Variants in CACNA2D4 observed in about 807,000 individuals in gnomAD.
The protein encoded by CACNA2D4 is calcium voltage-gated channel auxiliary subunit alpha2delta 4, also known as voltage-dependent calcium channel subunit alpha-2/delta-4.
In CACNA2D4, 157 loss-of-function variants were observed where a neutral mutation model predicts 163.8. The ratio of observed to expected loss-of-function variants is 0.96; its 90% confidence interval spans 0.84 to 1.09. The LOEUF (loss-of-function observed/expected upper bound fraction) is 1.09, where lower values mean the gene tolerates loss of function less well. Among genes scored for constraint, CACNA2D4 ranks in the 50% least tolerant of loss-of-function variants. The pLI, the probability that CACNA2D4 is intolerant of heterozygous loss-of-function variation, is 0.00. For synonymous variants in CACNA2D4, 598 were observed against 586.9 expected (o/e 1.02, Z -0.27); for missense variants, 1,410 against 1,479.9 (o/e 0.95, Z 0.78).
chr12:1,852,925 G>A (rs1565711322), intron 23 of CACNA2D4, among the ~76,000 whole-genome samples: 1 of 152,126 alleles, frequency 6.6e-6, no homozygotes, highest in Non-Finnish European at 1.5e-5. Flanking sequence ...AGTAATGAGA[G>A]CTCCTGTGTG....
intron 26 of CACNA2D4, chr12:1,830,983 G>A: frequency 1.2e-6 from 2 of 1,613,714 alleles, no homozygotes; most frequent in South Asian, 2.2e-5. Flanking sequence ...CTCCCCACCT[G>A]CCCTTTCTCC....
At chr12:1,918,163 T>G (rs1592758157) in intron 1 of CACNA2D4, 84 bp downstream of exon 1, 2 of 965,456 alleles carry the variant, frequency 2.1e-6, no homozygotes, top group Admixed American at 2.4e-5. Flanking sequence ...GCGGGAGGAG[T>G]GGGCAGAGGA....
At chr12:1,831,334 C>T in intron 26 of CACNA2D4, 1 of 1,613,914 alleles carries the variant, frequency 6.2e-7, no homozygotes, top group South Asian at 1.1e-5. Context: ...GCCCAGTTGC[C>T]CCCTGGTCTT....
intron 20 of CACNA2D4, among the ~76,000 whole-genome samples, chr12:1,857,161 G>A (rs1865418405): frequency 6.6e-6 from 1 of 152,206 alleles, no homozygotes; most frequent in Non-Finnish European, 1.5e-5. Context: ...AGAGGAGAGT[G>A]CCCCAGTGCT....
intron 26 of CACNA2D4, among the ~76,000 whole-genome samples, chr12:1,821,755 G>C (rs1864112510): frequency 6.6e-6 from 1 of 152,158 alleles, no homozygotes; most frequent in African/African-American, 2.4e-5. Context: ...GGAGCAGCCT[G>C]ACCAGGAGTC....
At chr12:1,818,643 C>G (rs1863968713) in intron 26 of CACNA2D4, among the ~76,000 whole-genome samples, 1 of 151,332 alleles carries the variant, frequency 6.6e-6, no homozygotes, top group Admixed American at 6.6e-5. Flanking sequence ...CGGAAGGCCG[C>G]AGGGTCCTCT....
intron 26 of CACNA2D4, among the ~76,000 whole-genome samples, chr12:1,826,448 G>A (rs1212472441): frequency 8.6e-6 from 1 of 116,838 alleles, no homozygotes; most frequent in Admixed American, 1.3e-4. Flanking sequence ...ACTGGAGCCT[G>A]GCCTTGAGAC....
intron 29 of CACNA2D4, among the ~76,000 whole-genome samples, chr12:1,807,490 T>C (rs994986250): frequency 1.3e-5 from 2 of 151,528 alleles, no homozygotes; most frequent in Admixed American, 6.6e-5. Context: ...TGCTCTAGAG[T>C]TGTTAAATGA....
Position 1,797,513 on chromosome 12 carries a change from G to A in CACNA2D4, c.3018C>T (p.Asp1006=), listed in dbSNP as rs773667835. The change falls in exon 35 of 38, where the codon GAC becomes GAT. Residue 1006 remains aspartate, a synonymous_variant. Coordinates refer to ENST00000382722, the MANE Select transcript of CACNA2D4 (RefSeq NM_172364.5). ...FHHSHKHKKQ[D]PLQPCDTEYP... is the part of the protein sequence containing the mutation. ...ACTCCGTGTCGCAGGGCTGCAGCGG[G>A]TCCTGCTTCTTGTGTTTGTGGGCTG... 7 of 1,575,758 alleles carry A rather than the reference G, an allele frequency of 4.4e-6. No homozygotes were observed. Among genetic ancestry groups the A allele is most frequent in the African/African-American group, 4.0e-5 (3 of 74,254 alleles).
chr12:1,885,847 C>T (rs1469372765), intron 9 of CACNA2D4, 118 bp downstream of exon 9: 3 of 728,640 alleles, frequency 4.1e-6, no homozygotes, highest in Non-Finnish European at 2.4e-6. Context: ...GCTCTGCTCT[C>T]ATTCCAGGTG....
At chr12:1,817,771 C>T (rs550648727) in intron 26 of CACNA2D4, among the ~76,000 whole-genome samples, 55 of 152,272 alleles carry the variant, frequency 3.6e-4, no homozygotes, top group African/African-American at 1.3e-3. Context: ...CAGACGGAGT[C>T]TGGTTCACTC....
At chr12:1,816,243 C>A (rs1177105159) in intron 26 of CACNA2D4, among the ~76,000 whole-genome samples, 1 of 152,194 alleles carries the variant, frequency 6.6e-6, no homozygotes, top group Non-Finnish European at 1.5e-5. Flanking sequence ...CAAGCTCACA[C>A]CTTTCGGTGA....
intron 26 of CACNA2D4, among the ~76,000 whole-genome samples, chr12:1,823,009 C>T (rs537862222): frequency 6.6e-6 from 1 of 152,324 alleles, no homozygotes; most frequent in Admixed American, 6.5e-5. Context: ...TGGCCTTCTG[C>T]AGAGTGAAGG....
At chr12:1,885,267 T>C (rs1043427659) in intron 9 of CACNA2D4, among the ~76,000 whole-genome samples, 191 bp from the exon 10 acceptor site, 2 of 152,056 alleles carry the variant, frequency 1.3e-5, no homozygotes, top group African/African-American at 4.8e-5. Flanking sequence ...CAAGATAAAC[T>C]GAGAGAGGGG....
At chr12:1,852,859 C>T (rs908813362) in intron 23 of CACNA2D4, among the ~76,000 whole-genome samples, 3 of 152,140 alleles carry the variant, frequency 2.0e-5, no homozygotes, top group Non-Finnish European at 4.4e-5. Context: ...AGGCGTATGA[C>T]CTCAGGCGAG....
Position 1,884,896 on chromosome 12 carries a change from G to C in CACNA2D4, c.1159-15C>G, listed in dbSNP as rs752850309. 46 of 1,610,006 alleles carry C rather than the reference G, an allele frequency of 2.9e-5. No individual in the cohort carries two copies. Among genetic ancestry groups the C allele is most frequent in the Non-Finnish European group, 3.9e-5 (46 of 1,176,588 alleles). ...GCCTCTTGGAACTGTGTAGGGAAGA[G>C]GAGTGCCCATGACCACAGGCCAAGC... On this transcript the variant is annotated splice_polypyrimidine_tract_variant and intron_variant, in intron 10 of 37. Coordinates refer to ENST00000382722, the MANE Select transcript of CACNA2D4 (RefSeq NM_172364.5).
At chr12:1,904,240 G>A (rs1217456320) in intron 6 of CACNA2D4, among the ~76,000 whole-genome samples, 1 of 151,928 alleles carries the variant, frequency 6.6e-6, no homozygotes. Flanking sequence ...CGATGGGGTT[G>A]GGGAGAAGTG....
At chr12:1,815,525 T>C (rs1170550365) in intron 26 of CACNA2D4, among the ~76,000 whole-genome samples, 1 of 151,126 alleles carries the variant, frequency 6.6e-6, no homozygotes, top group Non-Finnish European at 1.5e-5. Context: ...TTTGTTCATC[T>C]ATTTGATTTC....
rs745928997 is a variant in CACNA2D4, at chr12:1,884,239, T to G, written c.1351+4A>C. On this transcript the variant is annotated splice_donor_region_variant and intron_variant, in intron 12 of 37. Coordinates refer to ENST00000382722, the MANE Select transcript of CACNA2D4 (RefSeq NM_172364.5). ...GGGAAGGTACCTGCTGGCCCGGCAC[T>G]CACCTTTGTTGTTGCATGCAATCCA... The G allele has an allele frequency of 1.1e-5, 17 of 1,611,040 alleles. No individual in the cohort carries two copies. Among genetic ancestry groups the G allele is most frequent in the Non-Finnish European group, 1.2e-5 (14 of 1,178,784 alleles).
Sources: gnomAD v4.1 joint callset for allele counts (sites outside exome capture counted in the v4.1 genomes callset) on GRCh38, gnomAD v4.1.1 for gene constraint, MANE v1.5 for transcripts, NCBI Gene and HGNC (gene_info 2026-07-23, HGNC 2026-07-21) for gene names.